The following MIS18A variants were observed in gnomAD, a reference collection of about 807,000 sequenced individuals.
MIS18A encodes MIS18 kinetochore protein A.
Under a neutral mutation model 25.0 loss-of-function variants are expected in MIS18A, and 14 were observed. The ratio of observed to expected loss-of-function variants is 0.56; its 90% CI spans 0.37 to 0.88. The LOEUF is 0.88. Ranked by LOEUF, MIS18A falls within the 40% of genes least tolerant of loss-of-function variation. The pLI is 0.00. For missense variants in MIS18A, 292 were observed against 290.8 expected (o/e 1.00, Z -0.03); for synonymous variants, 134 against 118.6 (o/e 1.13, Z -0.84).
At chr21:32,253,964 C>T in the MIS18A span, among the ~76,000 whole-genome samples, 4 of 152,100 alleles carry the variant, frequency 2.6e-5, no homozygotes, top group Non-Finnish European at 5.9e-5. Context: ...GCTGGCTGGG[C>T]GGTGGCTCAC....
At chr21:32,251,043 C>A in the MIS18A span, among the ~76,000 whole-genome samples, 3 of 152,170 alleles carry the variant, frequency 2.0e-5, no homozygotes, top group Non-Finnish European at 4.4e-5. Flanking sequence ...GGCTCTCATT[C>A]TTCTCCTTCC....
the MIS18A span, among the ~76,000 whole-genome samples, chr21:32,242,275 C>T: frequency 6.6e-6 from 1 of 152,210 alleles, no homozygotes; most frequent in African/African-American, 2.4e-5. Context: ...TGATAAGGCT[C>T]CATGGCCTGT....
chr21:32,268,012 T>A (rs2031636063), downstream of MIS18A, among the ~76,000 whole-genome samples: 1 of 152,198 alleles, frequency 6.6e-6, no homozygotes, highest in East Asian at 1.9e-4. Flanking sequence ...TCAGGGAACT[T>A]CGGAGCAAAC....
At chr21:32,173,690 T>A in the MIS18A span, among the ~76,000 whole-genome samples, 9 of 152,070 alleles carry the variant, frequency 5.9e-5, no homozygotes, top group Non-Finnish European at 1.3e-4. Flanking sequence ...TGATTCCTTT[T>A]ATAGGAAATA....
chr21:32,164,772 A>T, the MIS18A span, among the ~76,000 whole-genome samples: 2 of 152,046 alleles, frequency 1.3e-5, no homozygotes. Context: ...CACTCCATTT[A>T]AAAAAAGTCA....
the MIS18A span, among the ~76,000 whole-genome samples, chr21:32,250,086 C>T: frequency 1.3e-5 from 2 of 152,074 alleles, no homozygotes; most frequent in Non-Finnish European, 1.5e-5. Flanking sequence ...CTTTCCTTCC[C>T]GTGGCACTAT....
At chr21:32,273,342 T>C (rs1001387464) in intron 2 of MIS18A, among the ~76,000 whole-genome samples, 16 of 152,032 alleles carry the variant, frequency 1.1e-4, no homozygotes, top group African/African-American at 3.6e-4. Flanking sequence ...TCGATGGAGG[T>C]AGGAGAAGAG....
the MIS18A span, among the ~76,000 whole-genome samples, chr21:32,158,647 G>C: frequency 5.3e-3 from 810 of 151,992 alleles, 10 homozygotes; most frequent in African/African-American, 0.019. Context: ...GCTAATTTTT[G>C]TATTTTGAGT....
chr21:32,200,412 A>G, the MIS18A span, among the ~76,000 whole-genome samples: 2 of 151,468 alleles, frequency 1.3e-5, no homozygotes, highest in Admixed American at 1.3e-4. Flanking sequence ...AATGGAACAG[A>G]ATACTTTATA....
chr21:32,241,093 G>T, the MIS18A span, among the ~76,000 whole-genome samples: 2 of 152,124 alleles, frequency 1.3e-5, no homozygotes, highest in African/African-American at 4.8e-5. Context: ...GGCTTTCAGC[G>T]TTTCTAGAGA....
chr21:32,255,234 C>CT, the MIS18A span, among the ~76,000 whole-genome samples: 28 of 146,504 alleles, frequency 1.9e-4, no homozygotes, highest in Non-Finnish European at 2.3e-4. Context: ...TTCTTGGGTA[C>CT]TTTTTTTTTT....
chr21:32,237,046 G>A, the MIS18A span, among the ~76,000 whole-genome samples: 1 of 151,990 alleles, frequency 6.6e-6, no homozygotes, highest in African/African-American at 2.4e-5. Context: ...CTCTCATGGT[G>A]CAACACCCCC....
chr21:32,194,344 A>G, the MIS18A span, among the ~76,000 whole-genome samples: 1 of 54,908 alleles, frequency 1.8e-5, no homozygotes, highest in African/African-American at 1.7e-4. Flanking sequence ...TATGTATGAT[A>G]TATATATATA....
chr21:32,242,512 A>C, the MIS18A span, among the ~76,000 whole-genome samples: 1 of 152,116 alleles, frequency 6.6e-6, no homozygotes, highest in Non-Finnish European at 1.5e-5. Flanking sequence ...AAAAAAGAAA[A>C]AGTTTTTGAG....
chr21:32,155,107 T>C, the MIS18A span, among the ~76,000 whole-genome samples: 1 of 152,180 alleles, frequency 6.6e-6, no homozygotes, highest in Non-Finnish European at 1.5e-5. Flanking sequence ...CCAGGAAGCT[T>C]TGTGGTAAGG....
the MIS18A span, among the ~76,000 whole-genome samples, chr21:32,156,743 C>A: frequency 6.6e-6 from 1 of 151,990 alleles, no homozygotes; most frequent in African/African-American, 2.4e-5. Flanking sequence ...TCTGTGAGAT[C>A]TATGAGGGAT....
the MIS18A span, among the ~76,000 whole-genome samples, chr21:32,262,589 TC>T: frequency 7.2e-3 from 1,091 of 152,190 alleles, 14 homozygotes; most frequent in African/African-American, 0.023. Context: ...TGGTCTCACT[TC>T]CCCCCTTTCA....
At chr21:32,240,209 C>G in the MIS18A span, among the ~76,000 whole-genome samples, 3 of 152,170 alleles carry the variant, frequency 2.0e-5, no homozygotes, top group African/African-American at 7.2e-5. Context: ...CCTCTGTGTC[C>G]CTTAAATTCA....
chr21:32,184,749 T>C, the MIS18A span, among the ~76,000 whole-genome samples: 3 of 152,180 alleles, frequency 2.0e-5, no homozygotes, highest in Non-Finnish European at 2.9e-5. Context: ...CTCCCTCCGC[T>C]GACACCTTAG....
Sources: gnomAD v4.1 joint callset for allele counts (sites outside exome capture counted in the v4.1 genomes callset) on GRCh38, gnomAD v4.1.1 for gene constraint, MANE v1.5 for transcripts, NCBI Gene and HGNC (gene_info 2026-07-23, HGNC 2026-07-21) for gene names.